SLCO3A1: variants seen among roughly 807,000 people sequenced by gnomAD.
The protein encoded by SLCO3A1 is PGE1 transporter.
SLCO3A1 carries 27 observed loss-of-function variants against 63.1 expected under a neutral mutation model. The observed-to-expected ratio is 0.43, with a 90% CI of 0.32 to 0.59. The LOEUF (loss-of-function observed/expected upper bound fraction) is 0.59, where lower values mean the gene tolerates loss of function less well. Ranked by LOEUF, SLCO3A1 falls within the 20% of genes least tolerant of loss-of-function variation. The probability of loss-of-function intolerance (pLI) is 0.09; values close to 1 mark genes in which losing one functional copy is unlikely to be tolerated. For missense variants in SLCO3A1, 773 were observed against 945.8 expected (o/e 0.82, Z 2.40); for synonymous variants, 473 against 409.9 (o/e 1.15, Z -1.86).
At chr15:92,149,085 A>G (rs1301931123) in intron 8 of SLCO3A1, 5 of 152,392 alleles carry the variant, frequency 3.3e-5, no homozygotes, top group African/African-American at 1.2e-4. Flanking sequence ...CTAGTCTCTT[A>G]TTAGCTTGCC....
At chr15:91,889,637 G>T (rs777178234) in intron 1 of SLCO3A1, among the ~76,000 whole-genome samples, 4 of 152,224 alleles carry the variant, frequency 2.6e-5, no homozygotes, top group Admixed American at 2.6e-4. Flanking sequence ...GGTGGATCTG[G>T]TCTTGCTCTC....
At chr15:91,972,950 G>A (rs764933546) in intron 2 of SLCO3A1, among the ~76,000 whole-genome samples, 2 of 152,286 alleles carry the variant, frequency 1.3e-5, no homozygotes, top group African/African-American at 2.4e-5. Context: ...GTGAAGCCCC[G>A]TCTCTACTAA....
chr15:91,896,344 A>G (rs1898003478), intron 1 of SLCO3A1, among the ~76,000 whole-genome samples: 1 of 152,206 alleles, frequency 6.6e-6, no homozygotes, highest in African/African-American at 2.4e-5. Context: ...CAAAAAAATA[A>G]AAGTCAGATC....
chr15:92,104,247 T>A, intron 3 of SLCO3A1, 32 bp from the exon 4 acceptor site: 9 of 1,608,356 alleles, frequency 5.6e-6, no homozygotes, highest in Non-Finnish European at 7.6e-6. Context: ...AGCCTTCTTT[T>A]CTCCACTAAG....
chr15:91,906,860 G>A (rs1251983994), intron 1 of SLCO3A1, among the ~76,000 whole-genome samples: 2 of 151,958 alleles, frequency 1.3e-5, no homozygotes, highest in African/African-American at 4.8e-5. Context: ...ATTTTTCTAT[G>A]ATGGACCAAA....
chr15:91,895,146 C>G (rs554251358), intron 1 of SLCO3A1, among the ~76,000 whole-genome samples: 6 of 152,090 alleles, frequency 3.9e-5, no homozygotes, highest in Non-Finnish European at 7.4e-5. Context: ...GAAAAAGAAG[C>G]CTTTAAAGCA....
intron 5 of SLCO3A1, among the ~76,000 whole-genome samples, chr15:92,121,920 T>C (rs1421950622): frequency 6.6e-6 from 1 of 152,158 alleles, no homozygotes; most frequent in East Asian, 1.9e-4. Flanking sequence ...GAGGGCTGTG[T>C]CCCTGAAGTG....
At chr15:91,918,093 G>GCTGA (rs397779118) in intron 2 of SLCO3A1, among the ~76,000 whole-genome samples, 4 of 152,160 alleles carry the variant, frequency 2.6e-5, no homozygotes, top group Non-Finnish European at 4.4e-5. Context: ...CCCTCTTCTG[G>GCTGA]AAGTGTCTCC....
chr15:91,935,672 A>C (rs1427317857), intron 2 of SLCO3A1, among the ~76,000 whole-genome samples: 1 of 152,150 alleles, frequency 6.6e-6, no homozygotes, highest in African/African-American at 2.4e-5. Context: ...GATGGGAGAG[A>C]GAAGGGCCTG....
chr15:91,965,126 G>A (rs370462378), intron 2 of SLCO3A1, among the ~76,000 whole-genome samples: 13 of 152,144 alleles, frequency 8.5e-5, no homozygotes, highest in African/African-American at 1.9e-4. Context: ...TTTAGAATCT[G>A]TTGGGAAGGG....
At chr15:91,921,387 A>T (rs890795370) in intron 2 of SLCO3A1, among the ~76,000 whole-genome samples, 6 of 152,174 alleles carry the variant, frequency 3.9e-5, no homozygotes, top group African/African-American at 1.4e-4. Flanking sequence ...TAGGGCTTCA[A>T]TATATGAATC....
intron 2 of SLCO3A1, among the ~76,000 whole-genome samples, chr15:92,042,635 G>A (rs1319377417): frequency 6.6e-6 from 1 of 152,070 alleles, no homozygotes; most frequent in African/African-American, 2.4e-5. Context: ...TAACATGGAG[G>A]TGGAGGTCTG....
intron 2 of SLCO3A1, among the ~76,000 whole-genome samples, chr15:91,925,747 T>C (rs959287138): frequency 6.6e-5 from 10 of 152,224 alleles, no homozygotes; most frequent in Admixed American, 4.6e-4. Flanking sequence ...CCATCATTGC[T>C]GCCACATGCA....
At chr15:92,044,454 G>C (rs764887657) in intron 2 of SLCO3A1, among the ~76,000 whole-genome samples, 2 of 151,998 alleles carry the variant, frequency 1.3e-5, no homozygotes, top group Non-Finnish European at 2.9e-5. Context: ...CATTCTCTCA[G>C]GCAAGCAAAC....
At chr15:91,977,287 A>G (rs571821574) in intron 2 of SLCO3A1, among the ~76,000 whole-genome samples, 1 of 152,264 alleles carries the variant, frequency 6.6e-6, no homozygotes, top group East Asian at 1.9e-4. Context: ...CAAGAGCTTC[A>G]GCCTCATGTT....
At chr15:92,144,230 G>T (rs1025405096) in intron 7 of SLCO3A1, among the ~76,000 whole-genome samples, 2 of 152,300 alleles carry the variant, frequency 1.3e-5, no homozygotes, top group South Asian at 2.1e-4. Context: ...GGAAAACAAA[G>T]GTTTAGAAAC....
intron 2 of SLCO3A1, among the ~76,000 whole-genome samples, chr15:91,993,754 A>G (rs2046155835): frequency 1.3e-5 from 2 of 152,186 alleles, no homozygotes; most frequent in Admixed American, 1.3e-4. Context: ...TATAACCAAT[A>G]AGATAATATG....
chr15:92,137,177 T>G (rs1318010957), intron 7 of SLCO3A1, among the ~76,000 whole-genome samples: 1 of 137,900 alleles, frequency 7.3e-6, no homozygotes, highest in Non-Finnish European at 1.5e-5. Context: ...CCTGTGTCCA[T>G]GTGATCTCAT....
chr15:91,938,621 T>C (rs74028384), intron 2 of SLCO3A1, among the ~76,000 whole-genome samples: 2,973 of 152,182 alleles, frequency 0.02, 102 homozygotes, highest in African/African-American at 0.068. Flanking sequence ...TCCAGACAAC[T>C]ATAAAAGGTA....
Sources: allele counts gnomAD v4.1 joint callset (sites outside exome capture counted in the v4.1 genomes callset), GRCh38; gene constraint gnomAD v4.1.1; transcripts MANE v1.5; gene names NCBI Gene and HGNC (gene_info 2026-07-23, HGNC 2026-07-21).